Variants in GUCY2F observed in about 807,000 individuals in gnomAD.
GUCY2F encodes retinal guanylyl cyclase 2.
A neutral mutation model predicts 73.1 loss-of-function variants in GUCY2F; 61 were observed. The ratio of observed to expected loss-of-function variants is 0.83; its 90% CI spans 0.68 to 1.03. The LOEUF (loss-of-function observed/expected upper bound fraction) is 1.03. Among genes scored for constraint, GUCY2F ranks in the 50% least tolerant of loss-of-function variants. The pLI, the probability that GUCY2F is intolerant of heterozygous loss-of-function variation, is 0.00. For missense variants in GUCY2F, 912 were observed against 854.3 expected (o/e 1.07, Z -0.84); for synonymous variants, 331 against 307.8 (o/e 1.08, Z -0.79).
intron 1 of GUCY2F, among the ~76,000 whole-genome samples, chrX:109,479,360 T>C (rs1392786304): frequency 8.9e-6 from 1 of 112,128 alleles, no homozygotes; most frequent in Non-Finnish European, 1.9e-5. Flanking sequence ...CACTGGTTCT[T>C]CCTCCCTATT....
Position 109,376,077 on chromosome X carries a change from A to G in GUCY2F, c.3239+2T>C. 8.4e-7 allele frequency: 1 copy of G among 1,187,677 alleles called. No individual in the cohort carries two copies. Among genetic ancestry groups the G allele is most frequent in the Non-Finnish European group, 1.1e-6 (1 of 873,492 alleles). On this transcript the variant is annotated splice_donor_variant, in intron 18 of 19. Transcript: ENST00000218006. LOFTEE classifies it high-confidence loss of function. ...CTCCAATTAAATGTGAACTCCACTT[A>G]CCCATCTTTGTCCACTGGTGGGGGC...
At chrX:109,431,783 G>T (rs1931621342) in intron 7 of GUCY2F, among the ~76,000 whole-genome samples, 1 of 109,908 alleles carries the variant, frequency 9.1e-6, no homozygotes, top group Non-Finnish European at 1.9e-5. Context: ...CCTGCCAGAG[G>T]CAAAGGCTAA....
chrX:109,470,175 CAT>C (rs1462584462), intron 2 of GUCY2F, among the ~76,000 whole-genome samples: 2 of 112,006 alleles, frequency 1.8e-5, no homozygotes, highest in Non-Finnish European at 3.8e-5. Context: ...TACCTTGAAA[CAT>C]ATGTTTCCTC....
intron 3 of GUCY2F, among the ~76,000 whole-genome samples, chrX:109,456,617 C>G (rs761542298): frequency 5.4e-5 from 6 of 111,700 alleles, no homozygotes; most frequent in Non-Finnish European, 1.1e-4. Context: ...AAACCTGAAG[C>G]CTGTTCTTCA....
At chrX:109,401,018 G>C (rs773594737) in intron 10 of GUCY2F, among the ~76,000 whole-genome samples, 84 of 112,101 alleles carry the variant, frequency 7.5e-4, no homozygotes, top group African/African-American at 2.5e-3. Context: ...TCTGGTAAAA[G>C]CTGGGTGATT....
rs1161143672 is a variant in GUCY2F, at chrX:109,409,101, G to A, written c.1859C>T (p.Ala620Val). 9.1e-6 allele frequency: 10 copies of A among 1,098,582 alleles called. No homozygotes were observed. The highest frequency in any genetic ancestry group is 3.0e-5 in the East Asian group (1 of 33,311). The allele number at this position is 1,098,582 out of a possible 1,213,427, so 90.5% of individuals were successfully genotyped here. A position where few individuals can be genotyped will look rare whatever the true frequency, so the allele number is the denominator to read the frequency against. ...LGFFYDSGMF[A>V]IVTEFCSRGS... Reference sequence around the variant, plus strand: ...TCGGGAACAGAATTCTGTCACAATGGCAAACATCCCCGAATCATAGAAGAA... The same window carrying A: ...TCGGGAACAGAATTCTGTCACAATGACAAACATCCCCGAATCATAGAAGAA... The change falls in exon 9 of 20, where the codon GCC becomes GTC. Residue 620 changes from alanine to valine, a missense_variant. Transcript: ENST00000218006.
chrX:109,461,858 C>T (rs1332260385), intron 3 of GUCY2F, among the ~76,000 whole-genome samples: 1 of 112,352 alleles, frequency 8.9e-6, no homozygotes, highest in Non-Finnish European at 1.9e-5. Flanking sequence ...TATTGCCTAG[C>T]ACATCAGAGG....
chrX:109,477,471 A>G (rs1426314578), intron 1 of GUCY2F, among the ~76,000 whole-genome samples: 5 of 112,130 alleles, frequency 4.5e-5, no homozygotes, highest in Admixed American at 9.4e-5. Context: ...TAGAAAGCTG[A>G]ACAAGAGTTA....
intron 12 of GUCY2F, 148 bp from the exon 13 acceptor site, chrX:109,393,203 C>T (rs1930613360): frequency 4.6e-6 from 2 of 434,832 alleles, no homozygotes; most frequent in East Asian, 3.8e-5. Context: ...AGTCACCACC[C>T]ATCCTCACTG....
chrX:109,464,934 G>A (rs1357293594), intron 3 of GUCY2F, among the ~76,000 whole-genome samples: 2 of 111,834 alleles, frequency 1.8e-5, no homozygotes, highest in African/African-American at 6.5e-5. Flanking sequence ...TGTCATCGTG[G>A]GCTGCTTAAA....
chrX:109,475,569 A>G lies in GUCY2F; in HGVS notation c.368T>C (p.Phe123Ser), dbSNP rs1024725721. The G allele has an allele frequency of 1.7e-6, 2 of 1,211,503 alleles. No individual in the cohort carries two copies. The highest frequency in any genetic ancestry group is 2.2e-6 in the Non-Finnish European group (2 of 895,247). ...FISHHQMASG[F>S]IGPTNPGYCE... ...GTAGCCAGGGTTGGTAGGTCCAATA[A>G]ATCCTGAGGCCATCTGGTGGTGGGA... is the stretch of plus-strand genomic sequence containing the variant. Residue 123 changes from phenylalanine (F) to serine (S), a missense_variant, in exon 2 of 20, where the codon TTT (phenylalanine) becomes TCT (serine). Phe to Ser is a radical substitution (Grantham distance 155). Transcript: ENST00000218006.
At chrX:109,464,125 C>T (rs910910035) in intron 3 of GUCY2F, among the ~76,000 whole-genome samples, 4 of 112,256 alleles carry the variant, frequency 3.6e-5, no homozygotes, top group Non-Finnish European at 7.5e-5. Flanking sequence ...CTGCTTTCTA[C>T]ATCTGACCTC....
In GUCY2F at chrX:109,385,155, T is replaced by A. The variant is rs779613667; in HGVS notation, c.3055+29A>T. ...CCTTCTCAATAGCAGAGTGGTGCCATCCTATCCATCTCTCTATTAGGTACT... is the reference window on the plus strand; with the variant it reads ...CCTTCTCAATAGCAGAGTGGTGCCAACCTATCCATCTCTCTATTAGGTACT... On this transcript the variant is annotated intron_variant, in intron 16 of 19. Coordinates refer to ENST00000218006, the MANE Select transcript of GUCY2F (RefSeq NM_001522.3). 9.0e-6 allele frequency: 7 copies of A among 775,857 alleles called. No individual in the cohort carries two copies. The East Asian group carries it at 9.8e-5, about 11-fold the overall frequency. The allele number at this position is 775,857 out of a possible 1,213,427, so 63.9% of individuals were successfully genotyped here. A position where few individuals can be genotyped will look rare whatever the true frequency, so the allele number is the denominator to read the frequency against.
intron 3 of GUCY2F, among the ~76,000 whole-genome samples, chrX:109,460,778 T>A (rs1246405058): frequency 9.0e-6 from 1 of 111,398 alleles, no homozygotes; most frequent in Non-Finnish European, 1.9e-5. Context: ...GCAAAATGTT[T>A]AGATTGGAAT....
chrX:109,452,337 C>T (rs779445299), intron 4 of GUCY2F, among the ~76,000 whole-genome samples: 1 of 111,618 alleles, frequency 9.0e-6, no homozygotes, highest in Admixed American at 9.5e-5. Flanking sequence ...AATAACAAAT[C>T]ACATGAATTA....
In GUCY2F at chrX:109,395,468, T is replaced by A. The variant is rs770442918; in HGVS notation, c.2297A>T (p.Lys766Met). The part of the protein sequence containing the change: ...PAQEIINRLK[K>M]PPPVYRPVVP... Reference sequence around the variant, plus strand: ...TACTGGTCTGTACACAGGAGGAGGCTTCTTAAGTCTGTTTATGATTTCTGT... The same window carrying A: ...TACTGGTCTGTACACAGGAGGAGGCATCTTAAGTCTGTTTATGATTTCTGT... Residue 766 changes from lysine to methionine, a missense_variant, in exon 12 of 20, where the codon AAG (lysine) becomes ATG (methionine). Coordinates refer to ENST00000218006, the MANE Select transcript of GUCY2F (RefSeq NM_001522.3). The A allele has an allele frequency of 3.3e-6, 4 of 1,200,928 alleles. No homozygotes were observed. The highest frequency in any genetic ancestry group is 4.5e-6 in the Non-Finnish European group (4 of 886,942).
In GUCY2F at chrX:109,475,818, G is replaced by C. The variant is rs34228145; in HGVS notation, c.119C>G (p.Ser40Cys). 1.4e-3 allele frequency: 1,726 copies of C among 1,209,172 alleles called. 26 individuals are homozygous for C. In the African/African-American group the frequency reaches 0.026, roughly 18 times the overall value. The stretch of plus-strand genomic sequence containing the variant: ...CACCTGCTGCGGAAGGGACATGACA[G>C]ACAGAAGGCACAAGCACCACAGGAA... ...AKFLWCLCLL[S>C]VMSLPQQVWT... Residue 40 changes from serine (S) to cysteine (C), a missense_variant, in exon 2 of 20, where the codon TCT becomes TGT. Transcript: ENST00000218006.
At chrX:109,373,459 C>A (rs1349262846) in intron 19 of GUCY2F, among the ~76,000 whole-genome samples, 2 of 111,503 alleles carry the variant, frequency 1.8e-5, no homozygotes, top group Non-Finnish European at 3.8e-5. Flanking sequence ...AATGTGCTTT[C>A]TCTCCATTCG....
At chrX:109,401,467 G>T (rs1930838165) in intron 10 of GUCY2F, among the ~76,000 whole-genome samples, 1 of 111,901 alleles carries the variant, frequency 8.9e-6, no homozygotes, top group South Asian at 3.7e-4. Flanking sequence ...GACATCCAAT[G>T]GCCTTTCAAT....
Sources: allele counts gnomAD v4.1 joint callset (sites outside exome capture counted in the v4.1 genomes callset), GRCh38; gene constraint gnomAD v4.1.1; transcripts MANE v1.5; gene names NCBI Gene and HGNC (gene_info 2026-07-23, HGNC 2026-07-21).